Variants in TENM4 observed in about 807,000 individuals in gnomAD.
TENM4 encodes the protein teneurin-4.
Under a neutral mutation model 243.3 loss-of-function variants are expected in TENM4, and 82 were observed. The ratio of observed to expected loss-of-function variants is 0.34; its 90% confidence interval spans 0.28 to 0.40. The LOEUF (loss-of-function observed/expected upper bound fraction) is 0.40, where lower values mean the gene tolerates loss of function less well. Among genes scored for constraint, TENM4 ranks in the 10% least tolerant of loss-of-function variants. TENM4 has a pLI of 1.00. For missense variants in TENM4, 3,138 were observed against 3,673.3 expected, an observed-to-expected ratio of 0.85 and a Z score of 3.77; for synonymous variants, 1,412 against 1,456.3, an observed-to-expected ratio of 0.97 and a Z score of 0.69.
intron 14 of TENM4, among the ~76,000 whole-genome samples, chr11:78,808,899 A>T (rs185790855): frequency 1.2e-4 from 18 of 152,310 alleles, no homozygotes; most frequent in African/African-American, 4.3e-4. Flanking sequence ...ATTCTGGCCC[A>T]TTAGGCTTCT....
chr11:78,664,664 A>G (rs569797337), intron 32 of TENM4, among the ~76,000 whole-genome samples: 1 of 152,312 alleles, frequency 6.6e-6, no homozygotes, highest in East Asian at 1.9e-4. Flanking sequence ...ACTTTTCTTC[A>G]AAGTCCCTCT....
chr11:79,418,247 G>T (rs1294170514), intron 1 of TENM4, among the ~76,000 whole-genome samples: 8 of 152,146 alleles, frequency 5.3e-5, no homozygotes. Flanking sequence ...AGAGATGCAG[G>T]ACATTTCCAT....
intron 9 of TENM4, among the ~76,000 whole-genome samples, chr11:78,865,660 C>T (rs931712923): frequency 6.6e-5 from 10 of 152,144 alleles, no homozygotes; most frequent in Admixed American, 1.3e-4. Flanking sequence ...ACAGCATACC[C>T]GTTTGACTTC....
intron 1 of TENM4, among the ~76,000 whole-genome samples, chr11:79,431,629 T>C (rs762369727): frequency 2.0e-5 from 3 of 152,202 alleles, no homozygotes; most frequent in African/African-American, 4.8e-5. Flanking sequence ...GCCTTAAAAA[T>C]AATCTCAGCT....
At chr11:79,177,210 G>A (rs1258630521) in intron 3 of TENM4, among the ~76,000 whole-genome samples, 1 of 151,614 alleles carries the variant, frequency 6.6e-6, no homozygotes, top group African/African-American at 2.4e-5. Flanking sequence ...TAAACAGATA[G>A]AAGAACTGTT....
intron 1 of TENM4, among the ~76,000 whole-genome samples, chr11:79,431,445 T>C (rs370762060): frequency 3.3e-5 from 5 of 152,352 alleles, no homozygotes; most frequent in African/African-American, 1.2e-4. Flanking sequence ...TCTCTGATTA[T>C]TTTCTTTGGC....
rs192458026 is a variant in TENM4 at position 78,978,972 on chromosome 11, C to T, written c.494-75449G>A. On this transcript the variant is annotated intron_variant, in intron 6 of 33. Coordinates refer to ENST00000278550, the MANE Select transcript of TENM4 (RefSeq NM_001098816.3). Reference sequence around the variant, plus strand: ...TTCCTGTGACTTTAGTGCTGGTGCACATGGGCTGCATGTGCCTTGGATTTC... The same window carrying T: ...TTCCTGTGACTTTAGTGCTGGTGCATATGGGCTGCATGTGCCTTGGATTTC... Among the ~76,000 whole-genome samples the T allele has an allele frequency of 1.8e-4, 28 of 152,222 alleles. 1 individual carries two copies. The highest frequency in any genetic ancestry group is 1.6e-3 in the Admixed American group (24 of 15,290).
chr11:78,815,848 G>C (rs936222905), intron 12 of TENM4, among the ~76,000 whole-genome samples: 4 of 152,254 alleles, frequency 2.6e-5, no homozygotes, highest in Non-Finnish European at 5.9e-5. Context: ...GAAGGCCACA[G>C]ATACTAAATC....
intron 3 of TENM4, among the ~76,000 whole-genome samples, chr11:79,183,244 C>A (rs947684436): frequency 2.0e-5 from 3 of 152,120 alleles, no homozygotes; most frequent in African/African-American, 4.8e-5. Flanking sequence ...AATGAGCTAT[C>A]AAGCCATGAA....
At chr11:78,805,526 A>T in intron 14 of TENM4, 34 bp from the exon 15 acceptor site, 1 of 1,550,508 alleles carries the variant, frequency 6.4e-7, no homozygotes, top group Non-Finnish European at 8.7e-7. Flanking sequence ...ATAGGTAAGC[A>T]TCTGACCAGC....
chr11:79,250,161 A>G, intron 2 of TENM4, among the ~76,000 whole-genome samples: 1 of 151,896 alleles, frequency 6.6e-6, no homozygotes, highest in Non-Finnish European at 1.5e-5. Context: ...GATTTTTTGT[A>G]TTTTTAGTAG....
At chr11:79,003,237 C>A (rs377474604) in intron 6 of TENM4, among the ~76,000 whole-genome samples, 24 of 152,214 alleles carry the variant, frequency 1.6e-4, no homozygotes, top group African/African-American at 5.1e-4. Context: ...TTGAGGATAT[C>A]ACCCAGGAAA....
chr11:78,720,630 TGA>T, intron 24 of TENM4, among the ~76,000 whole-genome samples: 1 of 152,352 alleles, frequency 6.6e-6, no homozygotes, highest in East Asian at 1.9e-4. Flanking sequence ...CCACTACTGC[TGA>T]CTTTGGGGGA....
At chr11:78,983,382 A>C (rs1179952124) in intron 6 of TENM4, among the ~76,000 whole-genome samples, 3 of 152,208 alleles carry the variant, frequency 2.0e-5, no homozygotes, top group African/African-American at 7.2e-5. Context: ...AGATATTTTA[A>C]TATCTGTTTG....
chr11:79,134,795 T>C (rs904296483), intron 4 of TENM4, among the ~76,000 whole-genome samples: 5 of 152,102 alleles, frequency 3.3e-5, no homozygotes, highest in Non-Finnish European at 7.4e-5. Flanking sequence ...TAGCGACATG[T>C]AGGAGAATGA....
At chr11:78,925,025 T>G (rs1445994075) in intron 6 of TENM4, among the ~76,000 whole-genome samples, 2 of 152,210 alleles carry the variant, frequency 1.3e-5, no homozygotes, top group Non-Finnish European at 2.9e-5. Context: ...TTAAAAGTAA[T>G]TTCATACACG....
At chr11:79,423,179 C>A (rs776386431) in intron 1 of TENM4, among the ~76,000 whole-genome samples, 26 of 152,170 alleles carry the variant, frequency 1.7e-4, no homozygotes, top group Non-Finnish European at 2.9e-4. Context: ...CAGGAAGATT[C>A]CAACTGGAGA....
At chr11:79,357,533 A>G (rs1489384213) in intron 1 of TENM4, among the ~76,000 whole-genome samples, 1 of 152,222 alleles carries the variant, frequency 6.6e-6, no homozygotes, top group South Asian at 2.1e-4. Flanking sequence ...GGGGTTTTGC[A>G]AATGTGACTT....
At chr11:78,828,687 A>C (rs1205986698) in intron 12 of TENM4, among the ~76,000 whole-genome samples, 1 of 152,250 alleles carries the variant, frequency 6.6e-6, no homozygotes, top group Non-Finnish European at 1.5e-5. Context: ...TGTTCAAGTC[A>C]AATATTTTAT....
Sources: allele counts gnomAD v4.1 joint callset (sites outside exome capture counted in the v4.1 genomes callset), GRCh38; gene constraint gnomAD v4.1.1; transcripts MANE v1.5; gene names NCBI Gene and HGNC (gene_info 2026-07-23, HGNC 2026-07-21).